SKAP1: variants seen among roughly 807,000 people sequenced by gnomAD.
The protein encoded by SKAP1 is src kinase-associated phosphoprotein 1.
In SKAP1, 44 loss-of-function variants were observed where a neutral mutation model predicts 58.5. The ratio of observed to expected loss-of-function variants is 0.75; its 90% CI spans 0.59 to 0.97. The LOEUF is 0.97. SKAP1 is among the 50% of genes least tolerant of loss of function. The pLI is 0.00. For synonymous variants in SKAP1, 127 were observed against 149.7 expected, an observed-to-expected ratio of 0.85 and a Z score of 1.11; for missense variants, 390 against 435.2, an observed-to-expected ratio of 0.90 and a Z score of 0.92.
intron 11 of SKAP1, among the ~76,000 whole-genome samples, chr17:48,143,840 G>A (rs1454688376): frequency 1.3e-5 from 2 of 152,176 alleles, no homozygotes; most frequent in African/African-American, 4.8e-5. Context: ...GTTGTTCAAC[G>A]CTCCTAACTT....
chr17:48,380,250 A>T (rs1352001481), intron 2 of SKAP1: 1 of 152,248 alleles, frequency 6.6e-6, no homozygotes, highest in Non-Finnish European at 1.5e-5. Flanking sequence ...CATCAGAAAC[A>T]TCTTGAGATG....
intron 4 of SKAP1, among the ~76,000 whole-genome samples, chr17:48,197,313 T>C (rs2064649625): frequency 6.6e-6 from 1 of 151,540 alleles, no homozygotes; most frequent in Non-Finnish European, 1.5e-5. Flanking sequence ...AGACCTCTTC[T>C]GATGCAAGGG....
intron 4 of SKAP1, among the ~76,000 whole-genome samples, chr17:48,208,487 G>A (rs1423794832): frequency 6.6e-6 from 1 of 152,138 alleles, no homozygotes; most frequent in African/African-American, 2.4e-5. Context: ...GGGTTTTACT[G>A]TTACTCAGTT....
At chr17:48,431,224 C>A (rs2144636788), upstream of SKAP1, among the ~76,000 whole-genome samples, 1 of 152,292 alleles carries the variant, frequency 6.6e-6, no homozygotes, top group Admixed American at 6.5e-5. Flanking sequence ...GCAGGAGGAT[C>A]ACTTGAGCCC....
chr17:48,190,063 C>T (rs566958304), intron 4 of SKAP1, among the ~76,000 whole-genome samples: 12 of 151,548 alleles, frequency 7.9e-5, no homozygotes, highest in East Asian at 7.8e-4. Context: ...GGTGAGGTAG[C>T]GTAAATATGC....
At chr17:48,201,816 A>G (rs943230428) in intron 4 of SKAP1, among the ~76,000 whole-genome samples, 1 of 152,206 alleles carries the variant, frequency 6.6e-6, no homozygotes, top group Non-Finnish European at 1.5e-5. Flanking sequence ...CAGGCAAAAG[A>G]CTGTGCCAAA....
chr17:48,435,005 G>T (rs9891014), upstream of SKAP1, among the ~76,000 whole-genome samples: 6,711 of 152,040 alleles, frequency 0.044, 453 homozygotes, highest in African/African-American at 0.15. Flanking sequence ...TCAAAAATTA[G>T]CTGGGCATGG....
At chr17:48,406,582 T>C (rs1300958521) in intron 1 of SKAP1, among the ~76,000 whole-genome samples, 2 of 145,656 alleles carry the variant, frequency 1.4e-5, no homozygotes, top group Non-Finnish European at 3.0e-5. Context: ...TTATTTATTT[T>C]GAGATGGAGT....
At chr17:48,200,622 G>A (rs2064715322) in intron 4 of SKAP1, among the ~76,000 whole-genome samples, 1 of 152,054 alleles carries the variant, frequency 6.6e-6, no homozygotes, top group Non-Finnish European at 1.5e-5. Flanking sequence ...TGGTGATCCA[G>A]CCACCTCAGG....
chr17:48,287,629 A>AT (rs2065847403), intron 4 of SKAP1, among the ~76,000 whole-genome samples: 1 of 152,174 alleles, frequency 6.6e-6, no homozygotes, highest in Admixed American at 6.5e-5. Flanking sequence ...CTCAGTACTA[A>AT]TTTTTATTTG....
chr17:48,142,142 C>T (rs1598356914), intron 11 of SKAP1, among the ~76,000 whole-genome samples: 1 of 152,142 alleles, frequency 6.6e-6, no homozygotes, highest in East Asian at 1.9e-4. Context: ...AGCACTATAT[C>T]CAGCACAGAG....
chr17:48,207,485 C>CAAAAAAAAAAAAAAAAAAAAAAAAA (rs11367185), intron 4 of SKAP1, among the ~76,000 whole-genome samples: 1 of 103,788 alleles, frequency 9.6e-6, no homozygotes, highest in African/African-American at 4.0e-5. Flanking sequence ...GACTCTGTCT[C>CAAAAAAAAAAAAAAAAAAAAAAAAA]AAAAAAAAAA....
chr17:48,441,092 C>T, the SKAP1 span, among the ~76,000 whole-genome samples: 1 of 152,126 alleles, frequency 6.6e-6, no homozygotes, highest in Non-Finnish European at 1.5e-5. Context: ...TTCACTTTTC[C>T]AGTATAGTGT....
chr17:48,266,377 G>A lies in SKAP1; in HGVS notation c.281-76877C>T, dbSNP rs140580402. On this transcript the variant is annotated intron_variant, in intron 4 of 12. Coordinates refer to ENST00000336915, the MANE Select transcript of SKAP1 (RefSeq NM_003726.4). ...CAGAACAGATGGATAGTTGTTGCCT[G>A]TAAAATACGAATTATACTATACATA... is the stretch of plus-strand genomic sequence containing the variant. Among the ~76,000 whole-genome samples, 384 of 152,258 alleles carry A rather than the reference G, an allele frequency of 2.5e-3. 2 individuals are homozygous for A. Among genetic ancestry groups the A allele is most frequent in the African/African-American group, 8.8e-3 (365 of 41,544 alleles).
intron 4 of SKAP1, among the ~76,000 whole-genome samples, chr17:48,316,613 G>A (rs549478571): frequency 6.3e-4 from 96 of 152,160 alleles, no homozygotes; most frequent in African/African-American, 2.3e-3. Context: ...TGTGGCTAAG[G>A]GTTTTGTCAA....
intron 4 of SKAP1, among the ~76,000 whole-genome samples, chr17:48,192,346 A>C (rs1201558322): frequency 6.6e-6 from 1 of 152,006 alleles, no homozygotes; most frequent in African/African-American, 2.4e-5. Flanking sequence ...GCTCCTTGTC[A>C]AAGATGCCAA....
At chr17:48,312,778 C>T (rs2066238853) in intron 4 of SKAP1, among the ~76,000 whole-genome samples, 1 of 152,158 alleles carries the variant, frequency 6.6e-6, no homozygotes, top group South Asian at 2.1e-4. Context: ...TCCTCATTGC[C>T]TCCAATCTTA....
intron 1 of SKAP1, among the ~76,000 whole-genome samples, chr17:48,398,139 C>A (rs1408649578): frequency 6.6e-6 from 1 of 152,180 alleles, no homozygotes; most frequent in African/African-American, 2.4e-5. Context: ...AAAGAAAGGG[C>A]CACATGGCAG....
At chr17:48,436,218 C>T in the SKAP1 span, among the ~76,000 whole-genome samples, 3 of 152,118 alleles carry the variant, frequency 2.0e-5, no homozygotes, top group Non-Finnish European at 4.4e-5. Context: ...ATTATAGGCA[C>T]ATGCCACCAT....
Sources: gnomAD v4.1 joint callset for allele counts (sites outside exome capture counted in the v4.1 genomes callset) on GRCh38, gnomAD v4.1.1 for gene constraint, MANE v1.5 for transcripts, NCBI Gene and HGNC (gene_info 2026-07-23, HGNC 2026-07-21) for gene names.